Variants in NMRAL1 observed in about 807,000 individuals in gnomAD.
NMRAL1 encodes NmrA like redox sensor 1.
In NMRAL1, 32 loss-of-function variants were observed where a neutral mutation model predicts 27.5. That is an observed-to-expected ratio of 1.16 (90% confidence interval 0.88 to 1.56). NMRAL1 has a LOEUF of 1.56. NMRAL1 is among the 40% of genes most tolerant of loss of function. NMRAL1 has a pLI of 0.00. For synonymous variants in NMRAL1, 166 were observed against 166.8 expected (o/e 1.00, Z 0.04); for missense variants, 420 against 392.0 (o/e 1.07, Z -0.60).
At position 4,466,564 on chromosome 16, in the gene NMRAL1, C is replaced by G. The variant is rs2057337724; in HGVS notation, c.280-162G>C. 8 of 652,936 alleles carry G rather than the reference C, an allele frequency of 1.2e-5. No individual in the cohort carries two copies. The South Asian group carries it at 1.3e-4, about 11-fold the overall frequency. The allele number at this position is 652,936 out of a possible 1,614,324, so 40.4% of individuals were successfully genotyped here. On this transcript the variant is annotated intron_variant, in intron 3 of 5. Coordinates refer to ENST00000283429, the MANE Select transcript of NMRAL1 (RefSeq NM_020677.6). ...CCCCTCTCCTGGAATGATGTTCACA[C>G]ATGACACCACGCCCGTAAACACAGC...
intron 5 of NMRAL1, among the ~76,000 whole-genome samples, chr16:4,462,876 G>A (rs62039229): frequency 1.3e-5 from 2 of 149,016 alleles, no homozygotes; most frequent in South Asian, 4.2e-4. Flanking sequence ...TTTTTTTTTG[G>A]AGTTGGAGTC....
At chr16:4,466,029 G>T in intron 4 of NMRAL1, 124 bp downstream of exon 4, 1 of 1,159,628 alleles carries the variant, frequency 8.6e-7, no homozygotes, top group East Asian at 2.4e-5. Flanking sequence ...GCTCAGTCCT[G>T]GGCCTAACGT....
At chr16:4,474,650 T>C (rs1764865206), upstream of NMRAL1, 1 of 154,380 alleles carries the variant, frequency 6.5e-6, no homozygotes, top group African/African-American at 2.4e-5. Context: ...TCCGGCGCAG[T>C]TGGCTCCTCC....
At position 4,470,426 on chromosome 16, in the gene NMRAL1, C is replaced by T. The variant is rs553694732; in HGVS notation, c.41-961G>A. ...CAGAGGTTGCGGTGAGCCGAGATCGCGCCATTGCACTCCAGCCTGGGCAAC... is the reference window on the plus strand; with the variant it reads ...CAGAGGTTGCGGTGAGCCGAGATCGTGCCATTGCACTCCAGCCTGGGCAAC... On this transcript the variant is annotated intron_variant, in intron 2 of 5. Transcript: ENST00000283429. 2.6e-5 allele frequency among the ~76,000 whole-genome samples: 4 copies of T among 151,962 alleles called. No homozygotes were observed. In the East Asian group the frequency reaches 5.9e-4, roughly 22 times the overall value.
chr16:4,465,272 C>T (rs2057277211), intron 4 of NMRAL1, among the ~76,000 whole-genome samples: 1 of 152,150 alleles, frequency 6.6e-6, no homozygotes, highest in Non-Finnish European at 1.5e-5. Flanking sequence ...CAGACTTGGC[C>T]CGCCAGGTGA....
intron 5 of NMRAL1, 162 bp downstream of exon 5, chr16:4,463,496 CTG>C (rs750949778): frequency 1.6e-6 from 1 of 612,766 alleles, no homozygotes; most frequent in South Asian, 2.3e-5. Context: ...AAATTTCACT[CTG>C]TGGCCAGTTA....
In NMRAL1 at chr16:4,461,960, C is replaced by G; in HGVS notation, c.721-1G>C. 1.9e-6 allele frequency: 3 copies of G among 1,609,580 alleles called. No individual in the cohort carries two copies. Among genetic ancestry groups the G allele is most frequent in the Non-Finnish European group, 2.5e-6 (3 of 1,177,642 alleles). On this transcript the variant is annotated splice_acceptor_variant, in intron 5 of 5. Coordinates refer to ENST00000283429, the MANE Select transcript of NMRAL1 (RefSeq NM_020677.6). LOFTEE classifies it high-confidence loss of function. ...GCTTTTCGTAGTCCTCAGGAGTCAT[C>G]TGGAAGCAGAGGAGCCTGTCGTGGC...
chr16:4,466,258 C>A lies in NMRAL1; in HGVS notation c.424G>T (p.Asp142Tyr), dbSNP rs1322292518. ...GKGEVEEYFRDIGVPMTSVRL... is the reference protein window; with the variant it reads ...GKGEVEEYFRYIGVPMTSVRL... Reference sequence around the variant, plus strand: ...ACACTGGTCATGGGAACGCCAATGTCCCGGAAATATTCCTCCACCTCCCCT... The same window carrying A: ...ACACTGGTCATGGGAACGCCAATGTACCGGAAATATTCCTCCACCTCCCCT... Residue 142 changes from aspartate to tyrosine, a missense_variant, in exon 4 of 6, where the codon GAC becomes TAC. Asp to Tyr is a radical substitution (Grantham distance 160, BLOSUM62 -3). Transcript: ENST00000283429. The A allele has an allele frequency of 1.2e-6, 2 of 1,614,114 alleles. No individual in the cohort carries two copies. Among genetic ancestry groups the A allele is most frequent in the Non-Finnish European group, 1.7e-6 (2 of 1,180,030 alleles).
At chr16:4,469,670 C>G in intron 2 of NMRAL1, 1 of 1,104,020 alleles carries the variant, frequency 9.1e-7, no homozygotes, top group Non-Finnish European at 1.2e-6. Context: ...AGTGCAGTGG[C>G]ACGATCTTGG....
chr16:4,463,615 A>C, intron 5 of NMRAL1, 45 bp downstream of exon 5: 1 of 1,592,530 alleles, frequency 6.3e-7, no homozygotes, highest in Non-Finnish European at 8.6e-7. Context: ...GGGAGCTAGA[A>C]AGCCCTGACA....
chr16:4,466,268 T>C lies in NMRAL1; in HGVS notation c.414A>G (p.Glu138=), dbSNP rs1303167351. The change falls in exon 4 of 6, where the codon GAA becomes GAG. Residue 138 remains glutamate (E), a synonymous_variant. Transcript: ENST00000283429. ...TGGGAACGCCAATGTCCCGGAAATA[T>C]TCCTCCACCTCCCCTTTGCCGTCAA... ...AHFDGKGEVE[E]YFRDIGVPMT... is the part of the protein sequence containing the mutation. 1.9e-6 allele frequency: 3 copies of C among 1,614,046 alleles called. No homozygotes were observed. Among genetic ancestry groups the C allele is most frequent in the Middle Eastern group, 1.6e-4 (1 of 6,062 alleles).
intron 2 of NMRAL1, chr16:4,471,164 A>G (rs1420324222): frequency 3.3e-5 from 5 of 152,216 alleles, no homozygotes; most frequent in Non-Finnish European, 7.3e-5. Context: ...TTCCTGAAGT[A>G]GAATATAAAG....
intron 4 of NMRAL1, among the ~76,000 whole-genome samples, chr16:4,464,675 C>T (rs1328977037): frequency 2.1e-5 from 3 of 146,224 alleles, no homozygotes; most frequent in South Asian, 2.2e-4. Context: ...AGTGCAGTGG[C>T]GCAATCTTGG....
intron 4 of NMRAL1, chr16:4,464,156 G>A: frequency 6.5e-6 from 3 of 460,260 alleles, no homozygotes; most frequent in Non-Finnish European, 1.1e-5. Context: ...CTCAGCGCTA[G>A]GATGACAGAG....
Position 4,463,534 on chromosome 16 carries a change from G to A in NMRAL1, c.720+126C>T, listed in dbSNP as rs559488359. The A allele has an allele frequency of 1.2e-4, 93 of 749,188 alleles. No homozygotes were observed. In the African/African-American group the frequency reaches 1.5e-3, roughly 12 times the overall value. The allele number at this position is 749,188 out of a possible 1,614,324, so 46.4% of individuals were successfully genotyped here. A position where few individuals can be genotyped will look rare whatever the true frequency, so the allele number is the denominator to read the frequency against. On this transcript the variant is annotated intron_variant, in intron 5 of 5. Coordinates refer to ENST00000283429, the MANE Select transcript of NMRAL1 (RefSeq NM_020677.6). Reference sequence around the variant, plus strand: ...GCTCCTGGAACAGCAGAAAATAAACGTTGACGATGAACGAATGAATTTAGA... The same window carrying A: ...GCTCCTGGAACAGCAGAAAATAAACATTGACGATGAACGAATGAATTTAGA...
intron 3 of NMRAL1, chr16:4,466,902 C>A (rs1212663601): frequency 1.9e-5 from 3 of 161,626 alleles, no homozygotes; most frequent in African/African-American, 7.2e-5. Flanking sequence ...ACACTACCTA[C>A]TGCATGAGGT....
At chr16:4,462,426 T>C (rs1357302641) in intron 5 of NMRAL1, among the ~76,000 whole-genome samples, 2 of 152,092 alleles carry the variant, frequency 1.3e-5, no homozygotes, top group African/African-American at 4.8e-5. Flanking sequence ...TGCAGTGAGC[T>C]GAGATCACCC....
intron 4 of NMRAL1, among the ~76,000 whole-genome samples, chr16:4,465,148 G>A (rs2057270424): frequency 6.6e-6 from 1 of 151,988 alleles, no homozygotes; most frequent in Non-Finnish European, 1.5e-5. Flanking sequence ...TCCTGAACTG[G>A]TGGTCTGCCC....
At chr16:4,463,617 G>A (rs373534379) in intron 5 of NMRAL1, 43 bp downstream of exon 5, 3 of 1,593,450 alleles carry the variant, frequency 1.9e-6, no homozygotes, top group Non-Finnish European at 2.6e-6. Context: ...GAGCTAGAAA[G>A]CCCTGACAAG....
Sources: allele counts gnomAD v4.1 joint callset (sites outside exome capture counted in the v4.1 genomes callset), GRCh38; gene constraint gnomAD v4.1.1; transcripts MANE v1.5; gene names NCBI Gene and HGNC (gene_info 2026-07-23, HGNC 2026-07-21).